GLMN: variants seen among roughly 807,000 people sequenced by gnomAD.
GLMN encodes glomulin.
Under a neutral mutation model 87.8 loss-of-function variants are expected in GLMN, and 75 were observed. The observed-to-expected ratio is 0.85, with a 90% confidence interval of 0.71 to 1.04. GLMN has a LOEUF of 1.04. Among genes scored for constraint, GLMN ranks in the 50% least tolerant of loss-of-function variants. The pLI is 0.00. For missense variants in GLMN, 588 were observed against 658.8 expected (o/e 0.89, Z 1.18); for synonymous variants, 206 against 221.6 (o/e 0.93, Z 0.63).
chr1:92,305,858 C>T, the GLMN span, among the ~76,000 whole-genome samples: 7 of 152,120 alleles, frequency 4.6e-5, no homozygotes, highest in African/African-American at 1.4e-4. Flanking sequence ...ATTGGTACAG[C>T]CTTTTTGAGA....
Position 92,269,739 on chromosome 1 carries a change from C to T in GLMN, c.961G>A (p.Glu321Lys). The T allele has an allele frequency of 6.2e-7, 1 of 1,608,708 alleles. No individual in the cohort carries two copies. Among genetic ancestry groups the T allele is most frequent in the Non-Finnish European group, 8.5e-7 (1 of 1,175,330 alleles). Residue 321 changes from glutamate to lysine, a missense_variant, in exon 9 of 19, where the codon GAA becomes AAA. Coordinates refer to ENST00000370360, the MANE Select transcript of GLMN (RefSeq NM_053274.3). ...YLLQFNMGHIEVFLQRTEESV... is the reference protein window; with the variant it reads ...YLLQFNMGHIKVFLQRTEESV... The stretch of plus-strand genomic sequence containing the variant: ...CGATCTTACCTTTGCAAAAAGACTT[C>T]AATGTGCCCCATATTAAACTGCAAA...
chr1:92,297,562 CA>C (rs757275656), intron 2 of GLMN, 33 bp from the exon 3 acceptor site: 610 of 1,505,678 alleles, frequency 4.1e-4, no homozygotes, highest in Non-Finnish European at 5.3e-4. Context: ...AAAAAACAAA[CA>C]AAAAAAAGTA....
intron 7 of GLMN, 47 bp downstream of exon 7, chr1:92,286,443 G>A (rs753164086): frequency 4.4e-6 from 4 of 902,546 alleles, no homozygotes; most frequent in Non-Finnish European, 5.6e-6. Context: ...TGAGAATATA[G>A]TGGGATAACA....
the GLMN span, among the ~76,000 whole-genome samples, chr1:92,335,404 G>A: frequency 2.6e-5 from 4 of 152,078 alleles, no homozygotes; most frequent in South Asian, 8.3e-4. Flanking sequence ...AAAAAATAAA[G>A]TAACACATAC....
chr1:92,341,843 C>G, the GLMN span, among the ~76,000 whole-genome samples: 1 of 152,202 alleles, frequency 6.6e-6, no homozygotes, highest in Non-Finnish European at 1.5e-5. Context: ...CAGGGTTTCA[C>G]CATGTTGGCC....
chr1:92,299,183 A>C (rs1329041235), upstream of GLMN: 1 of 1,310,592 alleles, frequency 7.6e-7, no homozygotes, highest in Admixed American at 2.6e-5. Context: ...TTGGACCCTG[A>C]AAGCTGGGCC....
intron 8 of GLMN, 105 bp from the exon 9 acceptor site, chr1:92,269,881 T>C (rs759952925): frequency 1.2e-5 from 9 of 773,828 alleles, no homozygotes; most frequent in African/African-American, 3.5e-5. Flanking sequence ...AAAAAAGATA[T>C]GTTGGAGTCC....
chr1:92,335,919 A>AAC, the GLMN span, among the ~76,000 whole-genome samples: 1 of 152,140 alleles, frequency 6.6e-6, no homozygotes, highest in Non-Finnish European at 1.5e-5. Context: ...TTAAACTGTT[A>AAC]ATATATATTG....
At chr1:92,327,751 C>T in the GLMN span, among the ~76,000 whole-genome samples, 3 of 151,540 alleles carry the variant, frequency 2.0e-5, no homozygotes, top group African/African-American at 7.3e-5. Context: ...TTTATAGGTC[C>T]TGTGAGATTT....
chr1:92,303,604 TTTAG>T (rs145841883), upstream of GLMN, among the ~76,000 whole-genome samples: 1,181 of 152,312 alleles, frequency 7.8e-3, 15 homozygotes, highest in African/African-American at 0.025. Context: ...TATTTTGTGA[TTTAG>T]TTAATTTTTT....
chr1:92,320,337 A>G, the GLMN span, among the ~76,000 whole-genome samples: 1 of 152,056 alleles, frequency 6.6e-6, no homozygotes, highest in Non-Finnish European at 1.5e-5. Context: ...CAGTGGCGCA[A>G]TCTCGGCTCA....
chr1:92,365,704 T>C, the GLMN span, among the ~76,000 whole-genome samples: 1 of 152,234 alleles, frequency 6.6e-6, no homozygotes, highest in Non-Finnish European at 1.5e-5. Flanking sequence ...CTGTTGGTTT[T>C]CATTTGTACG....
At chr1:92,285,470 G>T (rs1239505033) in intron 7 of GLMN, among the ~76,000 whole-genome samples, 2 of 152,140 alleles carry the variant, frequency 1.3e-5, no homozygotes, top group Non-Finnish European at 2.9e-5. Context: ...GTTGGGGCGT[G>T]GGGGGCTGGG....
chr1:92,280,122 A>G (rs1647828711), intron 7 of GLMN, among the ~76,000 whole-genome samples: 1 of 152,244 alleles, frequency 6.6e-6, no homozygotes, highest in Non-Finnish European at 1.5e-5. Context: ...CTCTCAGCAT[A>G]GCATTCGAGC....
chr1:92,354,725 A>G, the GLMN span, among the ~76,000 whole-genome samples: 1 of 152,032 alleles, frequency 6.6e-6, no homozygotes, highest in Non-Finnish European at 1.5e-5. Context: ...TGAAATGGAA[A>G]GTTCATAGTG....
chr1:92,357,183 A>G, the GLMN span, among the ~76,000 whole-genome samples: 1 of 152,324 alleles, frequency 6.6e-6, no homozygotes, highest in Admixed American at 6.5e-5. Context: ...TAGGGAATAC[A>G]AAGATTAAAC....
Position 92,292,720 on chromosome 1 carries a change from GTCTTT to G in GLMN, c.166-1188_166-1184del, listed in dbSNP as rs1437942178. 3.1e-3 allele frequency among the ~76,000 whole-genome samples: 429 copies of G among 136,962 alleles called. 1 individual carries two copies. Among genetic ancestry groups the G allele is most frequent in the African/African-American group, 0.01 (379 of 37,780 alleles). 89.9% of individuals were successfully genotyped at this position (136,962 alleles called of 152,430 possible). A position where few individuals can be genotyped will look rare whatever the true frequency, so the allele number is the denominator to read the frequency against. ...TTACAGGCGTGAGCCACCGCACCCC[GTCTTT>G]TCTTTTCTTTTTTTTTTTTTTTTTA... On this transcript the variant is annotated intron_variant, in intron 3 of 18. Transcript: ENST00000370360.
chr1:92,270,925 T>C (rs1365011638), intron 8 of GLMN, among the ~76,000 whole-genome samples: 1 of 152,126 alleles, frequency 6.6e-6, no homozygotes, highest in Non-Finnish European at 1.5e-5. Flanking sequence ...TGGTAGGAGA[T>C]GAATCAGGTC....
chr1:92,256,683 G>C (rs1000304260), intron 16 of GLMN, among the ~76,000 whole-genome samples: 3 of 152,090 alleles, frequency 2.0e-5, no homozygotes, highest in African/African-American at 7.2e-5. Flanking sequence ...ATGCAGAAAA[G>C]GCCTTGGATA....
Sources: allele counts gnomAD v4.1 joint callset (sites outside exome capture counted in the v4.1 genomes callset), GRCh38; gene constraint gnomAD v4.1.1; transcripts MANE v1.5; gene names NCBI Gene and HGNC (gene_info 2026-07-23, HGNC 2026-07-21).